Variants in ESYT2 observed in about 807,000 individuals in gnomAD.
The protein encoded by ESYT2 is extended synaptotagmin 2.
In ESYT2, 54 loss-of-function variants were observed where a neutral mutation model predicts 107.2. That is an observed-to-expected ratio of 0.50 (90% CI 0.40 to 0.63). The LOEUF is 0.63. ESYT2 is among the 30% of genes least tolerant of loss of function. The pLI is 0.00. For missense variants in ESYT2, 1,020 were observed against 1,094.5 expected (o/e 0.93, Z 0.96); for synonymous variants, 491 against 434.1 (o/e 1.13, Z -1.63).
At chr7:158,761,567 A>G (rs1242039740) in intron 10 of ESYT2, 23 bp from the exon 11 acceptor site, 2 of 1,597,284 alleles carry the variant, frequency 1.3e-6, no homozygotes, top group East Asian at 4.5e-5. Context: ...CAATACGACA[A>G]CTTTAGAACA....
chr7:158,795,897 C>T (rs1274282992), intron 3 of ESYT2, among the ~76,000 whole-genome samples: 1 of 151,840 alleles, frequency 6.6e-6, no homozygotes, highest in Non-Finnish European at 1.5e-5. Context: ...CACATACAGG[C>T]AGGTGTCACA....
chr7:158,817,620 C>G (rs1406752116), intron 1 of ESYT2, among the ~76,000 whole-genome samples: 1 of 152,274 alleles, frequency 6.6e-6, no homozygotes, highest in East Asian at 1.9e-4. Flanking sequence ...GTACAGCTTA[C>G]ATGTATTGAT....
chr7:158,763,750 C>G (rs1838059047), intron 9 of ESYT2, among the ~76,000 whole-genome samples: 1 of 152,134 alleles, frequency 6.6e-6, no homozygotes. Flanking sequence ...TTCAATCACT[C>G]CAACAAGGTC....
Position 158,829,122 on chromosome 7 carries a change from G to T in ESYT2, c.297C>A (p.Arg99=). 6.3e-7 allele frequency: 1 copy of T among 1,576,010 alleles called. No homozygotes were observed. Among genetic ancestry groups the T allele is most frequent in the East Asian group, 2.3e-5 (1 of 43,146 alleles). ...GCAGGTCGCAGGCGCGCACCCCCAGGCGCACGACGCGCTCCTCGTCTTCCA... is the reference window on the plus strand; with the variant it reads ...GCAGGTCGCAGGCGCGCACCCCCAGTCGCACGACGCGCTCCTCGTCTTCCA... The part of the protein sequence containing the change: ...ALLEDEERVV[R]LGVRACDLPA... The change falls in exon 1 of 23, where the codon CGC becomes CGA. Residue 99 remains arginine (R), a synonymous_variant. Coordinates refer to ENST00000275418, the MANE Select transcript of ESYT2 (RefSeq NM_001367773.1).
chr7:158,763,277 T>A, intron 9 of ESYT2, 112 bp from the exon 10 acceptor site: 3 of 386,572 alleles, frequency 7.8e-6, no homozygotes, highest in Non-Finnish European at 1.1e-5. Flanking sequence ...TGGTGGTAAA[T>A]CCTTATTTAT....
At chr7:158,763,057 C>T (rs1403552349) in intron 10 of ESYT2, 26 bp downstream of exon 10, 1 of 1,580,550 alleles carries the variant, frequency 6.3e-7, no homozygotes, top group Non-Finnish European at 8.7e-7. Flanking sequence ...TGCCCTCCTC[C>T]AATAACCACA....
intron 20 of ESYT2, among the ~76,000 whole-genome samples, chr7:158,736,074 C>T (rs1836934136): frequency 3.3e-5 from 5 of 152,230 alleles, no homozygotes; most frequent in Admixed American, 3.3e-4. Context: ...CTCCAAAGCA[C>T]TCCCGATGCT....
At chr7:158,781,033 A>C (rs1838764556) in intron 6 of ESYT2, among the ~76,000 whole-genome samples, 1 of 152,260 alleles carries the variant, frequency 6.6e-6, no homozygotes, top group Admixed American at 6.5e-5. Flanking sequence ...AAAGAAAATA[A>C]GTGTGAGAAT....
At chr7:158,734,613 A>T in intron 21 of ESYT2, 142 bp from the exon 22 acceptor site, 1 of 705,086 alleles carries the variant, frequency 1.4e-6, no homozygotes, top group Non-Finnish European at 2.3e-6. Context: ...AGATAGTGAA[A>T]CCTTGTCTCT....
chr7:158,797,342 TC>T (rs1427501900), intron 3 of ESYT2, among the ~76,000 whole-genome samples: 2 of 151,786 alleles, frequency 1.3e-5, no homozygotes, highest in African/African-American at 4.8e-5. Context: ...AGAGACGGAG[TC>T]CCACTTTGTT....
At chr7:158,803,729 T>C (rs1028754059) in intron 1 of ESYT2, among the ~76,000 whole-genome samples, 5 of 152,066 alleles carry the variant, frequency 3.3e-5, no homozygotes, top group East Asian at 1.9e-4. Context: ...CAGCCAGGAC[T>C]TGGGGACTGC....
intron 4 of ESYT2, 139 bp from the exon 5 acceptor site, chr7:158,788,556 G>A (rs776144910): frequency 1.4e-6 from 1 of 699,974 alleles, no homozygotes; most frequent in Non-Finnish European, 2.3e-6. Context: ...CCTAAAATGT[G>A]GCCCATCAAA....
Position 158,793,689 on chromosome 7 carries a change from T to G in ESYT2, c.545A>C (p.Asn182Thr). ...RINGVKVYTENVDKRQIILDL... is the reference protein window; with the variant it reads ...RINGVKVYTETVDKRQIILDL... ...CAAAATAATTTGCCTTTTGTCTACA[T>G]TTTCAGTGTATACCTTAACACCATT... is the stretch of plus-strand genomic sequence containing the variant. Residue 182 changes from asparagine to threonine, a missense_variant, in exon 4 of 23, where the codon AAT becomes ACT. Asn to Thr is a moderately conservative substitution (Grantham distance 65). Coordinates refer to ENST00000275418, the MANE Select transcript of ESYT2 (RefSeq NM_001367773.1). 1 of 1,613,524 alleles carries G rather than the reference T, an allele frequency of 6.2e-7. No individual in the cohort carries two copies. The highest frequency in any genetic ancestry group is 8.5e-7 in the Non-Finnish European group (1 of 1,179,786).
intron 7 of ESYT2, among the ~76,000 whole-genome samples, chr7:158,771,264 C>T (rs914168940): frequency 1.3e-5 from 2 of 152,222 alleles, no homozygotes; most frequent in Non-Finnish European, 1.5e-5. Flanking sequence ...TGTTTTATTT[C>T]AGTCCTCCTA....
rs191475470 is a variant in ESYT2, at chr7:158,752,704, A to G, written c.1482+77T>C. 1.0e-4 allele frequency: 107 copies of G among 1,043,968 alleles called. No homozygotes were observed. In the African/African-American group the frequency reaches 1.6e-3, roughly 16 times the overall value. The allele number at this position is 1,043,968 out of a possible 1,614,324, so 64.7% of individuals were successfully genotyped here. A position where few individuals can be genotyped will look rare whatever the true frequency, so the allele number is the denominator to read the frequency against. On this transcript the variant is annotated intron_variant, in intron 14 of 22. Transcript: ENST00000275418. ...CATAAATATGGGAGGTAATTTGCCAATAAACTTATGAGACAAAGTATCATC... is the reference window on the plus strand; with the variant it reads ...CATAAATATGGGAGGTAATTTGCCAGTAAACTTATGAGACAAAGTATCATC...
intron 1 of ESYT2, among the ~76,000 whole-genome samples, chr7:158,810,997 T>TA (rs1839978644): frequency 1.5e-5 from 2 of 130,482 alleles, no homozygotes; most frequent in African/African-American, 6.0e-5. Flanking sequence ...ATACAGCTGT[T>TA]AAAAAAAACA....
chr7:158,763,251 A>G, intron 9 of ESYT2, 86 bp from the exon 10 acceptor site: 2 of 764,876 alleles, frequency 2.6e-6, no homozygotes, highest in South Asian at 5.3e-5. Flanking sequence ...AGTAAATATG[A>G]CCAGGTACTT....
intron 6 of ESYT2, among the ~76,000 whole-genome samples, chr7:158,779,226 G>C (rs1160546828): frequency 6.6e-6 from 1 of 152,114 alleles, no homozygotes; most frequent in Admixed American, 6.5e-5. Context: ...AGAGCATGAA[G>C]GGTTATTGGA....
intron 21 of ESYT2, among the ~76,000 whole-genome samples, chr7:158,735,023 T>A (rs1208976912): frequency 6.6e-6 from 1 of 152,196 alleles, no homozygotes; most frequent in South Asian, 2.1e-4. Flanking sequence ...TGACGGAATA[T>A]CAGCGGAGAT....
Sources: gnomAD v4.1 joint callset for allele counts (sites outside exome capture counted in the v4.1 genomes callset) on GRCh38, gnomAD v4.1.1 for gene constraint, MANE v1.5 for transcripts, NCBI Gene and HGNC (gene_info 2026-07-23, HGNC 2026-07-21) for gene names.